The following MSRB3 variants were observed in gnomAD, a reference collection of about 807,000 sequenced individuals.
MSRB3 encodes methionine sulfoxide reductase B3.
MSRB3 carries 13 observed loss-of-function variants against 21.0 expected under a neutral mutation model. The ratio of observed to expected loss-of-function variants is 0.62; its 90% CI spans 0.40 to 0.98. The LOEUF (loss-of-function observed/expected upper bound fraction) is 0.98, where lower values mean the gene tolerates loss of function less well. MSRB3 is among the 50% of genes least tolerant of loss of function. MSRB3 has a pLI of 0.00. For synonymous variants in MSRB3, 87 were observed against 88.6 expected (o/e 0.98, Z 0.10); for missense variants, 199 against 230.3 (o/e 0.86, Z 0.88).
At chr12:65,448,108 G>GACTT (rs1302776647) in intron 5 of MSRB3, among the ~76,000 whole-genome samples, 1 of 152,170 alleles carries the variant, frequency 6.6e-6, no homozygotes, top group Non-Finnish European at 1.5e-5. Context: ...AAGCACAGAA[G>GACTT]ACTTAATTAT....
At chr12:65,355,771 C>T (rs552568933) in intron 4 of MSRB3, among the ~76,000 whole-genome samples, 2 of 151,958 alleles carry the variant, frequency 1.3e-5, no homozygotes, top group East Asian at 3.9e-4. Context: ...TCTGAATTTA[C>T]ACAGACTGCA....
chr12:65,387,750 T>C (rs1248003913), intron 5 of MSRB3, among the ~76,000 whole-genome samples: 1 of 152,130 alleles, frequency 6.6e-6, no homozygotes, highest in Non-Finnish European at 1.5e-5. Context: ...TAACATAGAG[T>C]GAAATCACTT....
At chr12:65,449,563 TATC>T (rs1002660740) in intron 5 of MSRB3, among the ~76,000 whole-genome samples, 51 of 152,294 alleles carry the variant, frequency 3.3e-4, no homozygotes, top group African/African-American at 1.2e-3. Context: ...CTAAAATATG[TATC>T]ATCATTATTG....
intron 4 of MSRB3, among the ~76,000 whole-genome samples, chr12:65,329,627 G>A (rs572006807): frequency 8.8e-5 from 13 of 148,302 alleles, no homozygotes; most frequent in Non-Finnish European, 1.9e-4. Flanking sequence ...AAGCCTGGGC[G>A]ACAGAGTAAG....
chr12:65,358,317 C>T (rs183613401), intron 4 of MSRB3, among the ~76,000 whole-genome samples: 256 of 151,772 alleles, frequency 1.7e-3, no homozygotes, highest in African/African-American at 5.4e-3. Context: ...AAGGGGGTCT[C>T]GCTATGTTGC....
intron 1 of MSRB3, among the ~76,000 whole-genome samples, chr12:65,296,616 T>G (rs1872981745): frequency 1.3e-5 from 2 of 152,220 alleles, no homozygotes; most frequent in Admixed American, 1.3e-4. Flanking sequence ...CTTTCCTGTA[T>G]ACTGCACTGC....
intron 5 of MSRB3, among the ~76,000 whole-genome samples, chr12:65,402,019 C>A (rs889822933): frequency 6.6e-6 from 1 of 152,142 alleles, no homozygotes; most frequent in Non-Finnish European, 1.5e-5. Flanking sequence ...AGTAACCTGA[C>A]CTTTCTCTCT....
chr12:65,434,676 C>T (rs916675649), intron 5 of MSRB3, among the ~76,000 whole-genome samples: 1 of 151,784 alleles, frequency 6.6e-6, no homozygotes, highest in African/African-American at 2.4e-5. Flanking sequence ...TGAAGATTTC[C>T]TCAAAATACT....
At chr12:65,300,778 A>G (rs1422656528) in intron 1 of MSRB3, among the ~76,000 whole-genome samples, 1 of 152,204 alleles carries the variant, frequency 6.6e-6, no homozygotes, top group East Asian at 1.9e-4. Flanking sequence ...TGATTAATGG[A>G]GCAGCCACCA....
chr12:65,292,102 A>G (rs1872696817), intron 1 of MSRB3, among the ~76,000 whole-genome samples: 1 of 152,192 alleles, frequency 6.6e-6, no homozygotes, highest in South Asian at 2.1e-4. Context: ...ATACTATTCC[A>G]CTGAAACAGT....
At chr12:65,298,234 G>C (rs1873101546) in intron 1 of MSRB3, among the ~76,000 whole-genome samples, 1 of 152,266 alleles carries the variant, frequency 6.6e-6, no homozygotes, top group Non-Finnish European at 1.5e-5. Context: ...AAACTCCTGA[G>C]CTCAAGCGAT....
At chr12:65,374,287 GA>G (rs891420033) in intron 5 of MSRB3, among the ~76,000 whole-genome samples, 3 of 152,056 alleles carry the variant, frequency 2.0e-5, no homozygotes, top group Admixed American at 6.6e-5. Flanking sequence ...GCAGAAATAA[GA>G]AAAATATTGA....
chr12:65,286,860 T>TA (rs1195793787), intron 1 of MSRB3: 3 of 149,926 alleles, frequency 2.0e-5, no homozygotes, highest in African/African-American at 2.4e-5. Context: ...TACTAAAAAT[T>TA]AAAAAAAGAA....
intron 5 of MSRB3, among the ~76,000 whole-genome samples, chr12:65,371,876 C>A (rs1878349806): frequency 6.6e-6 from 1 of 151,944 alleles, no homozygotes. Flanking sequence ...AAATCCTCAA[C>A]CTCCTGTGCT....
chr12:65,280,325 C>T (rs1871935791), intron 1 of MSRB3, among the ~76,000 whole-genome samples: 1 of 152,144 alleles, frequency 6.6e-6, no homozygotes, highest in African/African-American at 2.4e-5. Context: ...TTTAATAGCA[C>T]TTCTTGGGAA....
chr12:65,429,836 C>T (rs1309235518), intron 5 of MSRB3, among the ~76,000 whole-genome samples: 1 of 152,156 alleles, frequency 6.6e-6, no homozygotes, highest in African/African-American at 2.4e-5. Context: ...TCATACAGAC[C>T]TCTAAGTAAA....
chr12:65,328,005 A>G (rs546820950), intron 3 of MSRB3, among the ~76,000 whole-genome samples: 2 of 152,374 alleles, frequency 1.3e-5, no homozygotes, highest in South Asian at 2.1e-4. Flanking sequence ...GCTGCAGAGC[A>G]CATAGACTTT....
At chr12:65,335,254 A>G (rs562406980) in intron 4 of MSRB3, among the ~76,000 whole-genome samples, 2 of 152,320 alleles carry the variant, frequency 1.3e-5, no homozygotes, top group Admixed American at 1.3e-4. Context: ...ACAGCAGCCT[A>G]AAAAATCCTT....
intron 5 of MSRB3, among the ~76,000 whole-genome samples, chr12:65,388,325 G>A (rs971754918): frequency 2.7e-5 from 4 of 150,910 alleles, no homozygotes; most frequent in African/African-American, 7.3e-5. Context: ...GCAGCTAAAT[G>A]ACTCCTGTGG....
Sources: allele counts gnomAD v4.1 joint callset (sites outside exome capture counted in the v4.1 genomes callset), GRCh38; gene constraint gnomAD v4.1.1; transcripts MANE v1.5; gene names NCBI Gene and HGNC (gene_info 2026-07-23, HGNC 2026-07-21).